Variants in CRPPA observed in about 807,000 individuals in gnomAD.
CRPPA encodes the protein D-ribitol-5-phosphate cytidylyltransferase.
Under a neutral mutation model 52.0 loss-of-function variants are expected in CRPPA, and 43 were observed. That is an observed-to-expected ratio of 0.83 (90% CI 0.65 to 1.07). The LOEUF (loss-of-function observed/expected upper bound fraction) is 1.07, where lower values mean the gene tolerates loss of function less well. Ranked by LOEUF, CRPPA falls within the 50% of genes least tolerant of loss-of-function variation. CRPPA has a pLI of 0.00. For missense variants in CRPPA, 629 were observed against 551.7 expected, an observed-to-expected ratio of 1.14 and a Z score of -1.40; for synonymous variants, 250 against 203.5, an observed-to-expected ratio of 1.23 and a Z score of -1.94.
chr7:16,286,097 A>ATAAT (rs1554309941), intron 5 of CRPPA, among the ~76,000 whole-genome samples: 1 of 39,130 alleles, frequency 2.6e-5, no homozygotes, highest in Non-Finnish European at 4.1e-5. Flanking sequence ...TAAAAAAAAA[A>ATAAT]ATATATATAT....
intron 6 of CRPPA, among the ~76,000 whole-genome samples, chr7:16,271,022 A>C (rs1396406190): frequency 1.3e-5 from 2 of 152,134 alleles, no homozygotes; most frequent in Non-Finnish European, 2.9e-5. Context: ...AAAGAAACTA[A>C]GTACCATAGA....
chr7:16,380,358 T>G (rs913767356), intron 2 of CRPPA, among the ~76,000 whole-genome samples: 1 of 152,116 alleles, frequency 6.6e-6, no homozygotes, highest in Non-Finnish European at 1.5e-5. Flanking sequence ...TCATGGTGGA[T>G]AAGCTTTTTG....
chr7:16,115,435 A>T (rs569190505), intron 9 of CRPPA, among the ~76,000 whole-genome samples: 38 of 152,308 alleles, frequency 2.5e-4, no homozygotes, highest in African/African-American at 8.2e-4. Context: ...TATAAATTAC[A>T]TACGAATACA....
At chr7:16,314,211 T>C (rs1785094657) in intron 3 of CRPPA, among the ~76,000 whole-genome samples, 1 of 151,808 alleles carries the variant, frequency 6.6e-6, no homozygotes, top group Non-Finnish European at 1.5e-5. Context: ...TTAAGCACTG[T>C]TTTATATCCT....
intron 9 of CRPPA, among the ~76,000 whole-genome samples, chr7:16,193,035 CTT>C (rs779311150): frequency 6.6e-6 from 1 of 152,158 alleles, no homozygotes; most frequent in Non-Finnish European, 1.5e-5. Flanking sequence ...ATCCTACACT[CTT>C]TGCATTTCCA....
At chr7:16,277,777 T>C (rs1046848556) in intron 6 of CRPPA, among the ~76,000 whole-genome samples, 4 of 152,128 alleles carry the variant, frequency 2.6e-5, no homozygotes, top group Non-Finnish European at 4.4e-5. Context: ...CTCTTCATAA[T>C]CTCTCTAATC....
intron 1 of CRPPA, among the ~76,000 whole-genome samples, chr7:16,408,876 C>A (rs1422002274): frequency 6.6e-6 from 1 of 152,034 alleles, no homozygotes; most frequent in Non-Finnish European, 1.5e-5. Context: ...TGATGCAGGG[C>A]CTCAAGCCAA....
chr7:16,172,778 T>C (rs1013563126), intron 9 of CRPPA, among the ~76,000 whole-genome samples: 1 of 152,096 alleles, frequency 6.6e-6, no homozygotes, highest in Non-Finnish European at 1.5e-5. Flanking sequence ...GAATAGGACA[T>C]GAGGGATCCT....
chr7:16,188,694 C>T (rs2128389784), intron 9 of CRPPA, among the ~76,000 whole-genome samples: 1 of 152,200 alleles, frequency 6.6e-6, no homozygotes, highest in Admixed American at 6.5e-5. Context: ...ACACAGTAGG[C>T]CCTCAGTAAA....
At chr7:16,249,043 G>A (rs1482638904) in intron 8 of CRPPA, among the ~76,000 whole-genome samples, 2 of 152,148 alleles carry the variant, frequency 1.3e-5, no homozygotes, top group Non-Finnish European at 2.9e-5. Flanking sequence ...CTGGGAGGGG[G>A]CGTCCACCAT....
At chr7:16,106,467 A>G (rs1782153892) in intron 9 of CRPPA, among the ~76,000 whole-genome samples, 1 of 152,170 alleles carries the variant, frequency 6.6e-6, no homozygotes, top group South Asian at 2.1e-4. Context: ...ACTATGCCTA[A>G]TAGCAGATCC....
chr7:16,335,451 C>A (rs1334538626), intron 3 of CRPPA, among the ~76,000 whole-genome samples: 1 of 151,982 alleles, frequency 6.6e-6, no homozygotes, highest in East Asian at 1.9e-4. Flanking sequence ...AGAAGTTTGA[C>A]AAAGAAATAG....
intron 9 of CRPPA, among the ~76,000 whole-genome samples, chr7:16,148,871 T>C (rs1783023442): frequency 6.6e-6 from 1 of 152,202 alleles, no homozygotes; most frequent in African/African-American, 2.4e-5. Flanking sequence ...GATATGCTAA[T>C]TGCCCTGATT....
chr7:16,405,011 A>G (rs10950618), intron 2 of CRPPA, among the ~76,000 whole-genome samples: 69,199 of 151,906 alleles, frequency 0.46, 16,327 homozygotes, highest in African/African-American at 0.56. Context: ...TGCAGAAGGA[A>G]GAGATGAAGT....
chr7:16,340,962 C>G (rs1785810461), intron 3 of CRPPA, among the ~76,000 whole-genome samples: 1 of 152,070 alleles, frequency 6.6e-6, no homozygotes, highest in African/African-American at 2.4e-5. Flanking sequence ...CATGGAGAAA[C>G]TTTAAATGCA....
chr7:16,382,987 C>G (rs1361913054), intron 2 of CRPPA, among the ~76,000 whole-genome samples: 1 of 152,250 alleles, frequency 6.6e-6, no homozygotes, highest in Non-Finnish European at 1.5e-5. Context: ...CTTCTTCTCT[C>G]AACTCGTCAA....
intron 3 of CRPPA, among the ~76,000 whole-genome samples, chr7:16,323,712 T>C (rs1476491096): frequency 6.6e-6 from 1 of 152,140 alleles, no homozygotes. Flanking sequence ...AAGAAGATGT[T>C]TAAGATTAGC....
At chr7:16,097,407 T>A (rs1781957700) in intron 9 of CRPPA, among the ~76,000 whole-genome samples, 1 of 152,248 alleles carries the variant, frequency 6.6e-6, no homozygotes, top group Non-Finnish European at 1.5e-5. Flanking sequence ...TATTTAGGAT[T>A]AAAATTCACC....
At chr7:16,344,189 C>T (rs900615713) in intron 3 of CRPPA, among the ~76,000 whole-genome samples, 1 of 151,952 alleles carries the variant, frequency 6.6e-6, no homozygotes, top group Non-Finnish European at 1.5e-5. Flanking sequence ...GTATGTAAAG[C>T]AGCAGAAACA....
Sources: allele counts gnomAD v4.1 joint callset (sites outside exome capture counted in the v4.1 genomes callset), GRCh38; gene constraint gnomAD v4.1.1; transcripts MANE v1.5; gene names NCBI Gene and HGNC (gene_info 2026-07-23, HGNC 2026-07-21).